Variants in CAPZA1 observed in about 807,000 individuals in gnomAD.
CAPZA1 encodes capping actin protein of muscle Z-line subunit alpha 1.
In CAPZA1, 10 loss-of-function variants were observed where a neutral mutation model predicts 40.8. The ratio of observed to expected loss-of-function variants is 0.25; its 90% CI spans 0.15 to 0.42. The LOEUF is 0.42. Ranked by LOEUF, CAPZA1 falls within the 10% of genes least tolerant of loss-of-function variation. CAPZA1 has a pLI of 1.00. For synonymous variants in CAPZA1, 98 were observed against 115.0 expected, an observed-to-expected ratio of 0.85 and a Z score of 0.95; for missense variants, 277 against 353.8, an observed-to-expected ratio of 0.78 and a Z score of 1.74.
intron 1 of CAPZA1, among the ~76,000 whole-genome samples, chr1:112,641,185 C>T (rs997032790): frequency 3.3e-5 from 5 of 151,124 alleles, no homozygotes; most frequent in African/African-American, 1.2e-4. Flanking sequence ...CCTGCCAAAT[C>T]CCCCTCTGTG....
intron 1 of CAPZA1, among the ~76,000 whole-genome samples, chr1:112,623,770 G>A (rs1227872807): frequency 2.0e-5 from 3 of 151,290 alleles, no homozygotes; most frequent in Non-Finnish European, 2.9e-5. Flanking sequence ...GGTGGATCAC[G>A]AGGTCAGGAG....
At chr1:112,644,184 C>CTTTTTTTTTTTTTTTTTTTTTTT (rs60802838) in intron 1 of CAPZA1, among the ~76,000 whole-genome samples, 1 of 56,782 alleles carries the variant, frequency 1.8e-5, no homozygotes, top group African/African-American at 7.9e-5. Context: ...CTTCTCCCAG[C>CTTTTTTTTTTTTTTTTTTTTTTT]TTTTTTTTTT....
chr1:112,666,004 C>T (rs1570728230), intron 7 of CAPZA1, among the ~76,000 whole-genome samples: 2 of 152,236 alleles, frequency 1.3e-5, no homozygotes, highest in Middle Eastern at 6.8e-3. Context: ...ATAACATCTG[C>T]ATTCTTTTTT....
chr1:112,625,894 AG>A (rs1670796237), intron 1 of CAPZA1: 1 of 152,488 alleles, frequency 6.6e-6, no homozygotes, highest in African/African-American at 2.4e-5. Flanking sequence ...GTCCAGTACC[AG>A]CACATTCTTG....
chr1:112,637,787 C>T (rs1671050656), intron 1 of CAPZA1, among the ~76,000 whole-genome samples: 1 of 152,068 alleles, frequency 6.6e-6, no homozygotes, highest in Non-Finnish European at 1.5e-5. Flanking sequence ...TAAACTAATG[C>T]TTTTGGAATG....
intron 1 of CAPZA1, among the ~76,000 whole-genome samples, chr1:112,626,895 A>G (rs1670818678): frequency 6.6e-6 from 1 of 152,260 alleles, no homozygotes; most frequent in Non-Finnish European, 1.5e-5. Context: ...CATACTGTTT[A>G]AACAAGAAAA....
chr1:112,656,329 A>G (rs182438552), intron 5 of CAPZA1, among the ~76,000 whole-genome samples: 2 of 152,062 alleles, frequency 1.3e-5, no homozygotes, highest in East Asian at 3.9e-4. Context: ...AGTTGTTGTG[A>G]AGATTTAATG....
chr1:112,622,114 T>G (rs1264081872), intron 1 of CAPZA1, among the ~76,000 whole-genome samples: 1 of 152,148 alleles, frequency 6.6e-6, no homozygotes, highest in Non-Finnish European at 1.5e-5. Context: ...TCTAGCATAC[T>G]TTTTTTGTTG....
chr1:112,630,152 C>T (rs1253170812), intron 1 of CAPZA1, among the ~76,000 whole-genome samples: 3 of 151,950 alleles, frequency 2.0e-5, no homozygotes, highest in Non-Finnish European at 4.4e-5. Flanking sequence ...AAGTGATCCT[C>T]CCACCTCAGC....
At chr1:112,662,109 G>A (rs1222750979) in intron 7 of CAPZA1, among the ~76,000 whole-genome samples, 1 of 152,098 alleles carries the variant, frequency 6.6e-6, no homozygotes, top group Non-Finnish European at 1.5e-5. Flanking sequence ...TAAGTTTTGA[G>A]CTTAATTTCT....
chr1:112,655,267 GCCAGGAGTTCGAGA>G (rs1219751643), intron 5 of CAPZA1, among the ~76,000 whole-genome samples: 1 of 152,104 alleles, frequency 6.6e-6, no homozygotes, highest in Non-Finnish European at 1.5e-5. Flanking sequence ...ATCACTTGAG[GCCAGGAGTTCGAGA>G]CCAGCCTGGC....
intron 1 of CAPZA1, among the ~76,000 whole-genome samples, chr1:112,623,126 C>G (rs1389628085): frequency 6.6e-6 from 1 of 152,106 alleles, no homozygotes; most frequent in Admixed American, 6.5e-5. Flanking sequence ...ACCTCGTGAT[C>G]CGCCTGCCTT....
chr1:112,649,322 T>C, intron 2 of CAPZA1, 96 bp from the exon 3 acceptor site: 1 of 885,492 alleles, frequency 1.1e-6, no homozygotes, highest in East Asian at 2.4e-5. Context: ...GAAGACTAAT[T>C]TTACAAAGCC....
At position 112,649,506 on chromosome 1, in the gene CAPZA1, T is replaced by C. The variant is rs749787054; in HGVS notation, c.155+37T>C. The C allele has an allele frequency of 3.4e-6, 5 of 1,471,540 alleles. No individual in the cohort carries two copies. The South Asian group carries it at 4.6e-5, about 13-fold the overall frequency. The allele number at this position is 1,471,540 out of a possible 1,614,324, so 91.2% of individuals were successfully genotyped here. A position where few individuals can be genotyped will look rare whatever the true frequency, so the allele number is the denominator to read the frequency against. The stretch of plus-strand genomic sequence containing the variant: ...TCCAAATCCACTTAGAATGTTACTC[T>C]AACATTGGATAAACTATGTTGACAG... On this transcript the variant is annotated intron_variant, in intron 3 of 9. Coordinates refer to ENST00000263168, the MANE Select transcript of CAPZA1 (RefSeq NM_006135.3).
chr1:112,663,312 T>A (rs919311306), intron 7 of CAPZA1, among the ~76,000 whole-genome samples: 2 of 152,126 alleles, frequency 1.3e-5, no homozygotes, highest in Non-Finnish European at 2.9e-5. Context: ...CTAGTTTTTT[T>A]AATGAAAAAA....
At chr1:112,659,319 G>A (rs1671557170) in intron 6 of CAPZA1, 1 of 553,888 alleles carries the variant, frequency 1.8e-6, no homozygotes, top group Non-Finnish European at 3.2e-6. Flanking sequence ...GATTAGTAAA[G>A]TGCCCTGTTG....
intron 1 of CAPZA1, among the ~76,000 whole-genome samples, chr1:112,633,450 A>G (rs1334625411): frequency 1.3e-5 from 2 of 151,682 alleles, no homozygotes; most frequent in Admixed American, 1.3e-4. Context: ...ATAGTATTCC[A>G]TTGTGTGTAT....
chr1:112,659,536 A>G (rs1351759747), intron 6 of CAPZA1, 165 bp from the exon 7 acceptor site: 4 of 603,602 alleles, frequency 6.6e-6, no homozygotes, highest in Admixed American at 2.9e-5. Flanking sequence ...ACATTTGAGT[A>G]GACAGAGCTT....
intron 7 of CAPZA1, among the ~76,000 whole-genome samples, chr1:112,662,395 CTT>C (rs35100851): frequency 4.1e-5 from 4 of 97,256 alleles, no homozygotes; most frequent in African/African-American, 1.6e-4. Flanking sequence ...TAGAATTTTT[CTT>C]TTTTTTTTTT....
Sources: gnomAD v4.1 joint callset for allele counts (sites outside exome capture counted in the v4.1 genomes callset) on GRCh38, gnomAD v4.1.1 for gene constraint, MANE v1.5 for transcripts, NCBI Gene and HGNC (gene_info 2026-07-23, HGNC 2026-07-21) for gene names.